ROBO2: variants seen among roughly 807,000 people sequenced by gnomAD.
ROBO2 encodes the protein roundabout homolog 2.
Under a neutral mutation model 160.8 loss-of-function variants are expected in ROBO2, and 53 were observed. The observed-to-expected ratio is 0.33, with a 90% CI of 0.26 to 0.41. ROBO2 has a LOEUF of 0.41. Ranked by LOEUF, ROBO2 falls within the 10% of genes least tolerant of loss-of-function variation. The probability of loss-of-function intolerance (pLI) is 1.00; values close to 1 mark genes in which losing one functional copy is unlikely to be tolerated. For missense variants in ROBO2, 1,577 were observed against 1,722.4 expected, an observed-to-expected ratio of 0.92 and a Z score of 1.49; for synonymous variants, 664 against 611.7, an observed-to-expected ratio of 1.09 and a Z score of -1.26.
At chr3:77,563,179 C>A in exon 11 of ROBO2, 2 of 1,613,246 alleles carry the variant, frequency 1.2e-6, no homozygotes, top group East Asian at 2.2e-5. Flanking sequence ...TCTGGAGCAA[C>A]AATCAGTAAA....
chr3:77,529,035 ACT>A (rs138762096), intron 6 of ROBO2, among the ~76,000 whole-genome samples: 2,744 of 151,498 alleles, frequency 0.018, 46 homozygotes, highest in African/African-American at 0.042. Flanking sequence ...ATACATGACC[ACT>A]CTCAGATTTC....
intron 2 of ROBO2, among the ~76,000 whole-genome samples, chr3:76,173,451 C>A (rs957191050): frequency 9.2e-5 from 14 of 151,914 alleles, no homozygotes; most frequent in Non-Finnish European, 1.5e-4. Flanking sequence ...ACCTGTCAAT[C>A]CGTCATCTAG....
intron 2 of ROBO2, among the ~76,000 whole-genome samples, chr3:75,949,041 T>G (rs1308066923): frequency 6.6e-6 from 1 of 152,132 alleles, no homozygotes; most frequent in Non-Finnish European, 1.5e-5. Context: ...AAAGATCATA[T>G]TTTTAGATTT....
At chr3:77,062,460 G>A (rs984385069) in intron 1 of ROBO2, among the ~76,000 whole-genome samples, 9 of 152,092 alleles carry the variant, frequency 5.9e-5, no homozygotes, top group African/African-American at 2.2e-4. Flanking sequence ...TGGAACTCGT[G>A]TATCCAAGAG....
intron 2 of ROBO2, among the ~76,000 whole-genome samples, chr3:76,893,197 G>A (rs73109210): frequency 0.048 from 7,309 of 151,678 alleles, 244 homozygotes; most frequent in South Asian, 0.14. Flanking sequence ...TCCCCTTTGG[G>A]CCAGACACAC....
rs138581848 is a variant in ROBO2, at chr3:77,075,929, C to T, written c.62-22085C>T. Among the ~76,000 whole-genome samples, 561 of 151,974 alleles carry T rather than the reference C, an allele frequency of 3.7e-3. 2 individuals are homozygous for T. The highest frequency in any genetic ancestry group is 0.013 in the South Asian group (64 of 4,816). Reference sequence around the variant, plus strand: ...CGGACCTCAAATGATCCACCTGCCTCGGCCTCCCAAAGTGCTGGGATTACA... The same window carrying T: ...CGGACCTCAAATGATCCACCTGCCTTGGCCTCCCAAAGTGCTGGGATTACA... On this transcript the variant is annotated intron_variant, in intron 1 of 25. Transcript: ENST00000461745.
At chr3:77,076,033 G>A (rs934624004) in intron 1 of ROBO2, among the ~76,000 whole-genome samples, 1 of 150,932 alleles carries the variant, frequency 6.6e-6, no homozygotes, top group Non-Finnish European at 1.5e-5. Flanking sequence ...TAAAATTACT[G>A]TTCTTTGCTG....
intron 2 of ROBO2, among the ~76,000 whole-genome samples, chr3:76,523,736 A>G (rs1203781866): frequency 1.3e-5 from 2 of 152,126 alleles, no homozygotes; most frequent in African/African-American, 4.8e-5. Context: ...CTGAATAACA[A>G]CTTAATAGAA....
chr3:76,761,174 A>G (rs992162008), intron 2 of ROBO2, among the ~76,000 whole-genome samples: 1 of 151,924 alleles, frequency 6.6e-6, no homozygotes, highest in African/African-American at 2.4e-5. Flanking sequence ...ATAGCAGTGG[A>G]CAAACCCTTA....
At chr3:77,515,227 A>T (rs2089883673) in intron 5 of ROBO2, among the ~76,000 whole-genome samples, 1 of 151,648 alleles carries the variant, frequency 6.6e-6, no homozygotes, top group African/African-American at 2.4e-5. Context: ...AATTTGATTG[A>T]GTCTTCCGGG....
chr3:76,900,959 A>G (rs2075178523), intron 2 of ROBO2, among the ~76,000 whole-genome samples: 1 of 152,226 alleles, frequency 6.6e-6, no homozygotes, highest in South Asian at 2.1e-4. Flanking sequence ...TTTAGGCTGA[A>G]TAATCTAAGC....
intron 2 of ROBO2, among the ~76,000 whole-genome samples, chr3:76,674,597 T>C (rs1474742617): frequency 5.9e-5 from 2 of 33,678 alleles, no homozygotes; most frequent in Admixed American, 9.1e-4. Context: ...CACCTCCTAG[T>C]TCACACACAC....
chr3:77,590,652 A>G (rs186408846), intron 17 of ROBO2, among the ~76,000 whole-genome samples: 1 of 152,244 alleles, frequency 6.6e-6, no homozygotes, highest in East Asian at 1.9e-4. Flanking sequence ...AGTTCGGTGC[A>G]AAGTTCTAAT....
At chr3:75,943,620 T>A (rs77319232) in intron 2 of ROBO2, among the ~76,000 whole-genome samples, 5 of 152,284 alleles carry the variant, frequency 3.3e-5, no homozygotes, top group Admixed American at 6.5e-5. Flanking sequence ...AAATAATTGG[T>A]ATAAACAGGA....
intron 2 of ROBO2, among the ~76,000 whole-genome samples, chr3:76,264,694 A>G (rs1323903903): frequency 6.6e-6 from 1 of 152,110 alleles, no homozygotes; most frequent in Non-Finnish European, 1.5e-5. Flanking sequence ...CCTAAAGATG[A>G]TATTTTACTG....
intron 2 of ROBO2, among the ~76,000 whole-genome samples, chr3:76,933,663 G>A (rs2077497255): frequency 6.6e-6 from 1 of 152,034 alleles, no homozygotes; most frequent in Non-Finnish European, 1.5e-5. Flanking sequence ...TTGGATTGTT[G>A]GACTCATACA....
chr3:77,389,681 TTTC>T (rs2074508676), intron 2 of ROBO2, among the ~76,000 whole-genome samples: 2 of 152,154 alleles, frequency 1.3e-5, no homozygotes, highest in South Asian at 4.1e-4. Flanking sequence ...CTTCATGTCT[TTTC>T]TTCATGTCTT....
chr3:76,662,089 A>C (rs905608159), intron 2 of ROBO2, among the ~76,000 whole-genome samples: 5 of 152,124 alleles, frequency 3.3e-5, no homozygotes, highest in African/African-American at 1.2e-4. Flanking sequence ...GGAGGGTGTA[A>C]GGAGACATAT....
intron 2 of ROBO2, among the ~76,000 whole-genome samples, chr3:75,942,245 T>C (rs1269162552): frequency 6.6e-6 from 1 of 152,250 alleles, no homozygotes; most frequent in East Asian, 1.9e-4. Flanking sequence ...TAATGCTACC[T>C]AGAGTTTATG....
Sources: gnomAD v4.1 joint callset for allele counts (sites outside exome capture counted in the v4.1 genomes callset) on GRCh38, gnomAD v4.1.1 for gene constraint, MANE v1.5 for transcripts, NCBI Gene and HGNC (gene_info 2026-07-23, HGNC 2026-07-21) for gene names.